Variants in POC1B observed in about 807,000 individuals in gnomAD.
POC1B encodes the protein POC1 centriolar protein B, also known as POC1 centriolar protein homolog B.
In POC1B, 44 loss-of-function variants were observed where a neutral mutation model predicts 60.6. The ratio of observed to expected loss-of-function variants is 0.73; its 90% CI spans 0.57 to 0.93. The LOEUF (loss-of-function observed/expected upper bound fraction) is 0.93, where lower values mean the gene tolerates loss of function less well. Among genes scored for constraint, POC1B ranks in the 40% least tolerant of loss-of-function variants. The probability of loss-of-function intolerance (pLI) is 0.00; values close to 1 mark genes in which losing one functional copy is unlikely to be tolerated. For synonymous variants in POC1B, 180 were observed against 198.9 expected, an observed-to-expected ratio of 0.90 and a Z score of 0.80; for missense variants, 555 against 572.3, an observed-to-expected ratio of 0.97 and a Z score of 0.31.
intron 9 of POC1B, among the ~76,000 whole-genome samples, chr12:89,463,813 T>A (rs763630822): frequency 6.6e-6 from 1 of 152,210 alleles, no homozygotes; most frequent in Non-Finnish European, 1.5e-5. Context: ...CCTCTATCCA[T>A]GTAGGAATTA....
chr12:89,508,789 A>G (rs1258990493), intron 2 of POC1B, among the ~76,000 whole-genome samples: 1 of 152,178 alleles, frequency 6.6e-6, no homozygotes, highest in East Asian at 1.9e-4. Flanking sequence ...TGGTTTTATA[A>G]GGAGCTTCCC....
intron 10 of POC1B, chr12:89,428,538 G>A (rs1329003063): frequency 6.6e-6 from 1 of 152,092 alleles, no homozygotes; most frequent in African/African-American, 2.4e-5. Context: ...GAATATTTTA[G>A]AAAATGTTAA....
intron 6 of POC1B, among the ~76,000 whole-genome samples, chr12:89,471,133 T>C (rs956823642): frequency 4.6e-5 from 7 of 152,352 alleles, no homozygotes; most frequent in Non-Finnish European, 8.8e-5. Context: ...GTCTGCTACA[T>C]AGTAAACACT....
rs78332799 is a variant in POC1B, at chr12:89,452,916, A to G, written c.1113+6722T>C. Reference sequence around the variant, plus strand: ...GTCAGCCATCACATTCGCAACTGTTAGCAGTTTTTATAACATATGGGTCAT... The same window carrying G: ...GTCAGCCATCACATTCGCAACTGTTGGCAGTTTTTATAACATATGGGTCAT... On this transcript the variant is annotated intron_variant, in intron 10 of 11. Transcript: ENST00000313546. 1.9e-3 allele frequency among the ~76,000 whole-genome samples: 293 copies of G among 152,280 alleles called. 1 individual carries two copies. The highest frequency in any genetic ancestry group is 6.8e-3 in the African/African-American group (282 of 41,560).
chr12:89,503,637 G>A (rs968356840), intron 2 of POC1B, among the ~76,000 whole-genome samples: 3 of 149,220 alleles, frequency 2.0e-5, no homozygotes, highest in Non-Finnish European at 3.0e-5. Context: ...TGTGGGGAGC[G>A]CCTCTGCCCC....
intron 9 of POC1B, among the ~76,000 whole-genome samples, chr12:89,460,232 C>CA (rs139487569): frequency 0.025 from 3,786 of 151,750 alleles, 72 homozygotes; most frequent in Non-Finnish European, 0.036. Flanking sequence ...TTAGAAAATG[C>CA]AAAATTTTAA....
chr12:89,453,507 C>CT (rs1238689545), intron 10 of POC1B, among the ~76,000 whole-genome samples: 1 of 152,186 alleles, frequency 6.6e-6, no homozygotes, highest in East Asian at 1.9e-4. Flanking sequence ...ATACAAATGT[C>CT]TGTTTCCTAA....
intron 10 of POC1B, among the ~76,000 whole-genome samples, chr12:89,448,720 T>C (rs1881899202): frequency 6.6e-6 from 1 of 152,228 alleles, no homozygotes; most frequent in Non-Finnish European, 1.5e-5. Flanking sequence ...GAGCATGCCA[T>C]ATGGCACACC....
intron 2 of POC1B, chr12:89,520,820 CA>C (rs1470615457): frequency 6.6e-6 from 1 of 151,970 alleles, no homozygotes; most frequent in Non-Finnish European, 1.5e-5. Context: ...AAATCTAGGC[CA>C]AAGTGAACTA....
chr12:89,440,843 G>A (rs1324791137), intron 10 of POC1B, among the ~76,000 whole-genome samples: 3 of 152,248 alleles, frequency 2.0e-5, no homozygotes, highest in African/African-American at 4.8e-5. Context: ...AGGCGATGGG[G>A]TCAGGGAATT....
chr12:89,463,886 C>T (rs1481273127), intron 9 of POC1B, among the ~76,000 whole-genome samples: 1 of 152,164 alleles, frequency 6.6e-6, no homozygotes, highest in Non-Finnish European at 1.5e-5. Flanking sequence ...TCCCCACCTT[C>T]AAACAAGTGA....
chr12:89,415,460 G>A (rs1450889112), downstream of POC1B, among the ~76,000 whole-genome samples: 3 of 152,076 alleles, frequency 2.0e-5, no homozygotes, highest in African/African-American at 7.2e-5. Flanking sequence ...TGGCCAACAT[G>A]GTGAAACCCC....
chr12:89,412,613 G>A, the POC1B span, among the ~76,000 whole-genome samples: 1 of 151,056 alleles, frequency 6.6e-6, no homozygotes, highest in African/African-American at 2.4e-5. Flanking sequence ...GGAGGTGGAA[G>A]TTGCAGTGAG....
chr12:89,463,411 G>A (rs1216607758), intron 9 of POC1B, among the ~76,000 whole-genome samples: 2 of 148,922 alleles, frequency 1.3e-5, no homozygotes, highest in East Asian at 4.1e-4. Context: ...GGGAACTGCT[G>A]CTCCGGAGAA....
chr12:89,473,054 C>G (rs1882963377), intron 4 of POC1B, among the ~76,000 whole-genome samples: 1 of 151,812 alleles, frequency 6.6e-6, no homozygotes, highest in African/African-American at 2.4e-5. Context: ...AAAATAAAAA[C>G]AAATTTTAGA....
chr12:89,438,026 G>C (rs1218133303), intron 10 of POC1B, among the ~76,000 whole-genome samples: 1 of 150,894 alleles, frequency 6.6e-6, no homozygotes, highest in Non-Finnish European at 1.5e-5. Flanking sequence ...ACTCCAGCCT[G>C]GGCGACAGAG....
chr12:89,426,594 A>C (rs1296390933), intron 10 of POC1B: 2 of 152,098 alleles, frequency 1.3e-5, no homozygotes, highest in African/African-American at 4.8e-5. Flanking sequence ...TTGGGAGGCC[A>C]AGGTGGGCGG....
At chr12:89,423,526 CATCT>C (rs1880632369) in intron 11 of POC1B, among the ~76,000 whole-genome samples, 1 of 152,154 alleles carries the variant, frequency 6.6e-6, no homozygotes, top group South Asian at 2.1e-4. Flanking sequence ...TGGTTAACTC[CATCT>C]GTCTACCATC....
intron 4 of POC1B, among the ~76,000 whole-genome samples, chr12:89,477,968 C>T (rs1170446134): frequency 1.3e-5 from 2 of 152,158 alleles, no homozygotes; most frequent in African/African-American, 4.8e-5. Context: ...GGATTTTACA[C>T]CTCCTTCAAG....
Sources: gnomAD v4.1 joint callset for allele counts (sites outside exome capture counted in the v4.1 genomes callset) on GRCh38, gnomAD v4.1.1 for gene constraint, MANE v1.5 for transcripts, NCBI Gene and HGNC (gene_info 2026-07-23, HGNC 2026-07-21) for gene names.